The following L3MBTL2 variants were observed in gnomAD, a reference collection of about 807,000 sequenced individuals.
L3MBTL2 encodes the protein L3MBTL histone methyl-lysine binding protein 2, also known as lethal(3)malignant brain tumor-like protein 2.
In L3MBTL2, 49 loss-of-function variants were observed where a neutral mutation model predicts 86.4. The ratio of observed to expected loss-of-function variants is 0.57; its 90% CI spans 0.45 to 0.72. L3MBTL2 has a LOEUF of 0.72. Ranked by LOEUF, L3MBTL2 falls within the 30% of genes least tolerant of loss-of-function variation. The probability of loss-of-function intolerance (pLI) is 0.00; values close to 1 mark genes in which losing one functional copy is unlikely to be tolerated. For synonymous variants in L3MBTL2, 336 were observed against 350.6 expected (o/e 0.96, Z 0.47); for missense variants, 755 against 923.7 (o/e 0.82, Z 2.37).
intron 1 of L3MBTL2, chr22:41,208,453 G>T: frequency 3.3e-6 from 1 of 302,790 alleles, no homozygotes; most frequent in Admixed American, 4.5e-5. Flanking sequence ...TCTGTTACAT[G>T]CTGGGTAGAT....
Position 41,217,177 on chromosome 22 carries a change from C to T in L3MBTL2, c.575C>T (p.Ala192Val), listed in dbSNP as rs751364578. ...GKFLKDHSYK[A>V]APVSCFKHVP... ...TTCCTGAAGGATCACAGTTACAAGG[C>T]TGCTCCCGTCAGCTGTTTCAAGCAC... Residue 192 changes from alanine (A) to valine (V), a missense_variant, in exon 5 of 17, where the codon GCT (alanine) becomes GTT (valine). Around this residue, in one of 3 missense-constraint regions of L3MBTL2, gnomAD observed 634 missense variants for 748.9 expected, o/e 0.85. Transcript: ENST00000216237. The T allele has an allele frequency of 7.4e-6, 12 of 1,613,796 alleles. No homozygotes were observed. The highest frequency in any genetic ancestry group is 1.0e-5 in the Non-Finnish European group (12 of 1,179,946).
rs752023798 is a variant in L3MBTL2, at chr22:41,220,739, C to T, written c.724C>T (p.Arg242Trp). ...GCCCTTTCCTTTCCTTTCAGGGTAT[C>T]GGGTGCTGCTTCGGTATGAAGGCTT... The part of the protein sequence containing the change: ...IASVIQTAGY[R>W]VLLRYEGFEN... The change falls in exon 7 of 17, where the codon CGG becomes TGG. Residue 242 changes from arginine (R) to tryptophan (W), a missense_variant. Arg to Trp is a moderately radical substitution (Grantham distance 101). Transcript: ENST00000216237. The T allele has an allele frequency of 4.3e-6, 7 of 1,612,514 alleles. No individual in the cohort carries two copies. Among genetic ancestry groups the T allele is most frequent in the Middle Eastern group, 1.7e-4 (1 of 5,914 alleles).
rs2032112633 is a variant in L3MBTL2 at position 41,225,459 on chromosome 22, C to T, written c.1357-335C>T. On this transcript the variant is annotated intron_variant, in intron 11 of 16. Coordinates refer to ENST00000216237, the MANE Select transcript of L3MBTL2 (RefSeq NM_031488.5). This position sits in a 1 kb window ranked among gnomAD's most constrained non-coding sequence, Gnocchi z 4.1. ...CTCCTCCTGAGCAGCACCCCCACCC[C>T]TCCTTGGCCCTCCTGGAGGAGGCTG... is the stretch of plus-strand genomic sequence containing the variant. 6.6e-6 allele frequency among the ~76,000 whole-genome samples: 1 copy of T among 152,236 alleles called. No individual in the cohort carries two copies. Among genetic ancestry groups the T allele is most frequent in the Non-Finnish European group, 1.5e-5 (1 of 68,040 alleles).
At position 41,216,301 on chromosome 22, in the gene L3MBTL2, G is replaced by A. The variant is rs774841393; in HGVS notation, c.520+39G>A. 5 of 1,599,086 alleles carry A rather than the reference G, an allele frequency of 3.1e-6. No homozygotes were observed. The South Asian group carries it at 5.5e-5, about 18-fold the overall frequency. ...GGGCCCTGCTTAGGAAGCTGCCGTG[G>A]CTGGGGAGGAGACTGGGTTTGGGGT... On this transcript the variant is annotated intron_variant, in intron 4 of 16. Transcript: ENST00000216237.
chr22:41,228,372 T>C (rs1355044115), intron 15 of L3MBTL2: 2 of 985,304 alleles, frequency 2.0e-6, no homozygotes, highest in Middle Eastern at 5.2e-4. Flanking sequence ...TCGTTTCCCT[T>C]GGTGGGGCCT....
At position 41,225,569 on chromosome 22, in the gene L3MBTL2, C is replaced by A. The variant is rs1167396441; in HGVS notation, c.1357-225C>A. 6.6e-6 allele frequency among the ~76,000 whole-genome samples: 1 copy of A among 152,214 alleles called. No individual in the cohort carries two copies. The highest frequency in any genetic ancestry group is 1.5e-5 in the Non-Finnish European group (1 of 68,044). On this transcript the variant is annotated intron_variant, in intron 11 of 16. Transcript: ENST00000216237. This position sits in a 1 kb window ranked among gnomAD's most constrained non-coding sequence, Gnocchi z 4.1. Reference sequence around the variant, plus strand: ...CGGTCCAACAGGATGGACGCGGCCCCTGCTGGCGTGGTGTTTGCTGTCTAG... The same window carrying A: ...CGGTCCAACAGGATGGACGCGGCCCATGCTGGCGTGGTGTTTGCTGTCTAG...
rs2032517474 is a variant in L3MBTL2, at chr22:41,230,353, C to G, written c.*102C>G. ...TGACTTTGGCTTGGAGACTGATCCTCTCTGTGTAAATTCTGCCCGGTGCTG... is the reference window on the plus strand; with the variant it reads ...TGACTTTGGCTTGGAGACTGATCCTGTCTGTGTAAATTCTGCCCGGTGCTG... On this transcript the variant is annotated 3_prime_UTR_variant, in exon 17 of 17. Transcript: ENST00000216237. 2 of 860,380 alleles carry G rather than the reference C, an allele frequency of 2.3e-6. No individual in the cohort carries two copies. The highest frequency in any genetic ancestry group is 3.8e-6 in the Non-Finnish European group (2 of 525,488). The allele number at this position is 860,380 out of a possible 1,614,324, so 53.3% of individuals were successfully genotyped here.
chr22:41,227,910 G>A lies in L3MBTL2; in HGVS notation c.1888+41G>A. 1 of 1,604,774 alleles carries A rather than the reference G, an allele frequency of 6.2e-7. No individual in the cohort carries two copies. The highest frequency in any genetic ancestry group is 1.1e-5 in the South Asian group (1 of 89,910). ...GTGCAGCCAGGCTGGTGTGGGCCTG[G>A]GAGCAGTGGGCCTGCGTCCCTGGGA... On this transcript the variant is annotated intron_variant, in intron 15 of 16. Coordinates refer to ENST00000216237, the MANE Select transcript of L3MBTL2 (RefSeq NM_031488.5). This position sits in a 1 kb window ranked among gnomAD's most constrained non-coding sequence, Gnocchi z 6.0.
Position 41,224,894 on chromosome 22 carries a change from C to T in L3MBTL2, c.1252-73C>T, listed in dbSNP as rs1569150216. 1 of 1,556,134 alleles carries T rather than the reference C, an allele frequency of 6.4e-7. No individual in the cohort carries two copies. The highest frequency in any genetic ancestry group is 8.9e-7 in the Non-Finnish European group (1 of 1,129,128). ...TCTTCCCCTGGGACCATCCCTTTCC[C>T]TCCTGAGGCCTGCTTCCCTCACCCT... On this transcript the variant is annotated intron_variant, in intron 10 of 16. Transcript: ENST00000216237. This position sits in a 1 kb window ranked among gnomAD's most constrained non-coding sequence, Gnocchi z 4.9.
At chr22:41,220,652 C>G (rs537357841) in intron 6 of L3MBTL2, 82 bp from the exon 7 acceptor site, 1 of 1,406,684 alleles carries the variant, frequency 7.1e-7, no homozygotes, top group Non-Finnish European at 9.5e-7. Flanking sequence ...AGCAAGACTT[C>G]GTCTCAGAAA....
chr22:41,227,731 G>A lies in L3MBTL2; in HGVS notation c.1823-73G>A, dbSNP rs752767868. The A allele has an allele frequency of 3.7e-6, 6 of 1,608,988 alleles. No individual in the cohort carries two copies. The highest frequency in any genetic ancestry group is 1.7e-4 in the Middle Eastern group (1 of 6,036). On this transcript the variant is annotated intron_variant, in intron 14 of 16. Transcript: ENST00000216237. This position sits in a 1 kb window ranked among gnomAD's most constrained non-coding sequence, Gnocchi z 6.0. ...CGTGTGGGAGGGTGGATGGGGTCTC[G>A]GGATGCGCCTGTGCCCTGTGTCCTC...
rs757847545 is a variant in L3MBTL2 at position 41,225,895 on chromosome 22, G to A, written c.1458G>A (p.Pro486=). The part of the protein sequence containing the change: ...CYHASSHAIF[P]ATFCQKNDIE... ...ATGCCTCTTCCCACGCCATCTTCCC[G>A]GCCACCTTCTGTCAGAAGAATGACA... Residue 486 remains proline (P), a synonymous_variant, in exon 12 of 17, where the codon CCG becomes CCA. Transcript: ENST00000216237. The surrounding 1 kb of genome is among the most constrained non-coding windows in gnomAD (Gnocchi z 4.1). 1.4e-5 allele frequency: 22 copies of A among 1,614,096 alleles called. No individual in the cohort carries two copies. The highest frequency in any genetic ancestry group is 3.3e-5 in the South Asian group (3 of 91,072).
chr22:41,217,181 T>C lies in L3MBTL2; in HGVS notation c.579T>C (p.Ala193=). The C allele has an allele frequency of 6.2e-7, 1 of 1,613,718 alleles. No individual in the cohort carries two copies. The highest frequency in any genetic ancestry group is 8.5e-7 in the Non-Finnish European group (1 of 1,179,956). ...TGAAGGATCACAGTTACAAGGCTGC[T>C]CCCGTCAGCTGTTTCAAGCACGTGA... ...KFLKDHSYKA[A]PVSCFKHVPL... is the part of the protein sequence containing the mutation. The change falls in exon 5 of 17, where the codon GCT becomes GCC. Residue 193 remains alanine (A), a synonymous_variant. Coordinates refer to ENST00000216237, the MANE Select transcript of L3MBTL2 (RefSeq NM_031488.5).
intron 2 of L3MBTL2, among the ~76,000 whole-genome samples, chr22:41,212,235 C>T (rs955321404): frequency 3.9e-5 from 6 of 152,072 alleles, no homozygotes; most frequent in African/African-American, 1.4e-4. Context: ...TATCCTCTTC[C>T]AGCCCTTCTC....
In L3MBTL2 at chr22:41,210,002, T is replaced by G. The variant is rs1431893843; in HGVS notation, c.262+69T>G. 4.4e-4 allele frequency: 700 copies of G among 1,574,460 alleles called. 2 individuals are homozygous for G. Among genetic ancestry groups the G allele is most frequent in the Non-Finnish European group, 1.0e-4 (116 of 1,159,702 alleles). On this transcript the variant is annotated intron_variant, in intron 2 of 16. Transcript: ENST00000216237. ...TTATAGAGGAAGAGGGGGGTGGATA[T>G]AGGCTATATGGGCAGAGCCATCCAG...
In L3MBTL2 at chr22:41,231,258, C is replaced by A. The variant is rs904854725; in HGVS notation, c.*1007C>A. 7 of 152,214 alleles carry A rather than the reference C, an allele frequency of 4.6e-5. No homozygotes were observed. The highest frequency in any genetic ancestry group is 1.7e-4 in the African/African-American group (7 of 41,452). The allele number at this position is 152,214 out of a possible 1,614,324, so 9.4% of individuals were successfully genotyped here. A position where few individuals can be genotyped will look rare whatever the true frequency, so the allele number is the denominator to read the frequency against. ...GACTCTGTGTGTGAGAAATTAAACC[C>A]CCTGCTTGCTTGAGTCCCGTTTGTT... On this transcript the variant is annotated 3_prime_UTR_variant, in exon 17 of 17. Coordinates refer to ENST00000216237, the MANE Select transcript of L3MBTL2 (RefSeq NM_031488.5).
chr22:41,228,168 T>C lies in L3MBTL2; in HGVS notation c.1888+299T>C, dbSNP rs17002361. The C allele has an allele frequency of 3.6e-3, 3,532 of 985,416 alleles. 92 individuals are homozygous for C. The African/African-American group carries it at 0.056, about 16-fold the overall frequency. 61.0% of individuals were successfully genotyped at this position (985,416 alleles called of 1,614,324 possible). A position where few individuals can be genotyped will look rare whatever the true frequency, so the allele number is the denominator to read the frequency against. On this transcript the variant is annotated intron_variant, in intron 15 of 16. Transcript: ENST00000216237. ...GGGGGATCCCATCCCTGATGCCCCA[T>C]GTTCAGAAAAAAACAGCCTGGCCTG...
chr22:41,218,311 G>A (rs1370422269), intron 5 of L3MBTL2: 1 of 152,166 alleles, frequency 6.6e-6, no homozygotes, highest in Non-Finnish European at 1.5e-5. Flanking sequence ...TGAGGAGTTC[G>A]AGACCAGCCT....
chr22:41,208,737 G>A (rs769613148), intron 1 of L3MBTL2, among the ~76,000 whole-genome samples: 1 of 151,962 alleles, frequency 6.6e-6, no homozygotes, highest in Admixed American at 6.6e-5. Context: ...TATATTGAAC[G>A]GGGAAGAATT....
Sources: allele counts gnomAD v4.1 joint callset (sites outside exome capture counted in the v4.1 genomes callset), GRCh38; gene constraint gnomAD v4.1.1; regional missense constraint gnomAD v4.1.1; non-coding constraint Gnocchi (gnomAD v3.1); transcripts MANE v1.5; gene names NCBI Gene and HGNC (gene_info 2026-07-23, HGNC 2026-07-21).